Variants in PELI2 observed in about 807,000 individuals in gnomAD.
PELI2 encodes the protein pellino E3 ubiquitin protein ligase family member 2, also known as E3 ubiquitin-protein ligase pellino homolog 2.
A neutral mutation model predicts 42.3 loss-of-function variants in PELI2; 23 were observed. The observed-to-expected ratio is 0.54, with a 90% CI of 0.39 to 0.77. PELI2 has a LOEUF of 0.77. Among genes scored for constraint, PELI2 ranks in the 30% least tolerant of loss-of-function variants. The pLI is 0.00. For synonymous variants in PELI2, 245 were observed against 212.2 expected (o/e 1.15, Z -1.34); for missense variants, 463 against 553.2 (o/e 0.84, Z 1.64).
rs1885005253 is a variant in PELI2, at chr14:56,167,482, A to G, written c.78-10853A>G. ...CTCTGATGCATTCTTCAGTACACCA[A>G]TTGCACTTTTTCAGCTCCAGAATTT... On this transcript the variant is annotated intron_variant, in intron 1 of 5. Transcript: ENST00000267460. Among the ~76,000 whole-genome samples the G allele has an allele frequency of 2.0e-5, 3 of 152,168 alleles. No homozygotes were observed. In the South Asian group the frequency reaches 6.2e-4, roughly 32 times the overall value.
chr14:56,180,374 C>G lies in PELI2; in HGVS notation c.207+1910C>G, dbSNP rs1885535923. On this transcript the variant is annotated intron_variant, in intron 2 of 5. Transcript: ENST00000267460. This position sits in a 1 kb window ranked among gnomAD's most constrained non-coding sequence, Gnocchi z 4.4. Reference sequence around the variant, plus strand: ...TAAGATAAATTATTATAGGCTAGCCCTCAGAATCAGAGAAAAGTTGAGTAA... The same window carrying G: ...TAAGATAAATTATTATAGGCTAGCCGTCAGAATCAGAGAAAAGTTGAGTAA... Among the ~76,000 whole-genome samples the G allele has an allele frequency of 6.6e-6, 1 of 152,052 alleles. No homozygotes were observed. The highest frequency in any genetic ancestry group is 1.5e-5 in the Non-Finnish European group (1 of 68,002).
At chr14:56,136,348 C>A (rs1883689164) in intron 1 of PELI2, among the ~76,000 whole-genome samples, 1 of 152,144 alleles carries the variant, frequency 6.6e-6, no homozygotes, top group Admixed American at 6.5e-5. Context: ...TTACTTGGTG[C>A]ATCTGCGGTG....
At chr14:56,181,868 GTGTGTT>G (rs1304963867) in intron 2 of PELI2, among the ~76,000 whole-genome samples, 34 of 138,658 alleles carry the variant, frequency 2.5e-4, no homozygotes, top group African/African-American at 7.3e-4. Context: ...GTGTGTGTGT[GTGTGTT>G]TTTAAATTAA....
rs1289079335 is a variant in PELI2 at position 56,300,943 on chromosome 14, C to G, written c.*3777C>G. 6.6e-6 allele frequency: 1 copy of G among 152,150 alleles called. No homozygotes were observed. The allele number at this position is 152,150 out of a possible 1,614,324, so 9.4% of individuals were successfully genotyped here. A position where few individuals can be genotyped will look rare whatever the true frequency, so the allele number is the denominator to read the frequency against. On this transcript the variant is annotated 3_prime_UTR_variant, in exon 6 of 6. Coordinates refer to ENST00000267460, the MANE Select transcript of PELI2 (RefSeq NM_021255.3). The stretch of plus-strand genomic sequence containing the variant: ...CTTTTTAGTATAACTTACATCCTTT[C>G]AAATAAGTCTTTGCCCTCATGAAGA...
intron 1 of PELI2, among the ~76,000 whole-genome samples, chr14:56,127,702 T>C (rs3912201): frequency 0.6 from 91,595 of 152,006 alleles, 27,722 homozygotes; most frequent in South Asian, 0.67. Flanking sequence ...TTGAACACTT[T>C]GCCATAGAAA....
chr14:56,239,216 A>G (rs1887893774), intron 2 of PELI2, among the ~76,000 whole-genome samples: 1 of 152,232 alleles, frequency 6.6e-6, no homozygotes, highest in Non-Finnish European at 1.5e-5. Flanking sequence ...TGCATTTTCA[A>G]AAGTGCAAAA....
chr14:56,230,550 T>C (rs1303760188), intron 2 of PELI2, among the ~76,000 whole-genome samples: 1 of 152,190 alleles, frequency 6.6e-6, no homozygotes, highest in Admixed American at 6.5e-5. Context: ...AAGCAAATGC[T>C]GAGAGATTTT....
chr14:56,178,560 A>C, intron 2 of PELI2, 96 bp downstream of exon 2: 1 of 1,365,874 alleles, frequency 7.3e-7, no homozygotes, highest in Non-Finnish European at 1.0e-6. Flanking sequence ...CTTTTCATGT[A>C]GGACAGTCTC....
intron 1 of PELI2, among the ~76,000 whole-genome samples, chr14:56,172,777 T>G (rs1309791075): frequency 6.6e-6 from 1 of 152,174 alleles, no homozygotes; most frequent in East Asian, 1.9e-4. Context: ...TGTTTTTGCT[T>G]TGTTTTGAAG....
At chr14:56,152,389 T>C (rs769614144) in intron 1 of PELI2, among the ~76,000 whole-genome samples, 2 of 152,164 alleles carry the variant, frequency 1.3e-5, no homozygotes, top group Non-Finnish European at 2.9e-5. Flanking sequence ...GGAAGCATTA[T>C]ATAGATGTTA....
chr14:56,140,836 G>A (rs1469783590), intron 1 of PELI2, among the ~76,000 whole-genome samples: 1 of 152,148 alleles, frequency 6.6e-6, no homozygotes, highest in African/African-American at 2.4e-5. Flanking sequence ...TGGTATTATG[G>A]GAGCTTTGCT....
rs371719518 is a variant in PELI2, at chr14:56,254,640, T to C, written c.208-25036T>C. Among the ~76,000 whole-genome samples, 728 of 152,084 alleles carry C rather than the reference T, an allele frequency of 4.8e-3. 1 individual carries two copies. Among genetic ancestry groups the C allele is most frequent in the Non-Finnish European group, 8.0e-3 (543 of 67,994 alleles). ...GGCAACAAAAGCCAAAATTGACAAA[T>C]GGGATCTAAGTAAACTAAAGAGCTT... On this transcript the variant is annotated intron_variant, in intron 2 of 5. Transcript: ENST00000267460.
intron 2 of PELI2, among the ~76,000 whole-genome samples, chr14:56,245,210 G>C (rs758744927): frequency 5.4e-4 from 82 of 152,210 alleles, no homozygotes; most frequent in Admixed American, 9.8e-4. Flanking sequence ...GTACTCCTTA[G>C]TAGAACAAAA....
At chr14:56,147,738 T>G (rs1459354299) in intron 1 of PELI2, among the ~76,000 whole-genome samples, 1 of 152,200 alleles carries the variant, frequency 6.6e-6, no homozygotes, top group Non-Finnish European at 1.5e-5. Flanking sequence ...GCCCTAGCCT[T>G]TTAGAAAGTT....
At chr14:56,283,598 C>A (rs924113846) in intron 3 of PELI2, among the ~76,000 whole-genome samples, 1 of 152,128 alleles carries the variant, frequency 6.6e-6, no homozygotes, top group African/African-American at 2.4e-5. Flanking sequence ...CTGATTTGTA[C>A]CAACCTCTTA....
chr14:56,238,970 A>T (rs72717999), intron 2 of PELI2, among the ~76,000 whole-genome samples: 1,958 of 152,324 alleles, frequency 0.013, 18 homozygotes, highest in Non-Finnish European at 0.019. Flanking sequence ...CAACTCAAGC[A>T]GTAAATTAAA....
intron 2 of PELI2, among the ~76,000 whole-genome samples, chr14:56,243,853 A>G (rs908964038): frequency 6.6e-6 from 1 of 152,238 alleles, no homozygotes; most frequent in Admixed American, 6.5e-5. Flanking sequence ...TCAGGTTGAT[A>G]ATTTTAGTCA....
At chr14:56,221,059 C>T (rs937326893) in intron 2 of PELI2, among the ~76,000 whole-genome samples, 4 of 152,142 alleles carry the variant, frequency 2.6e-5, no homozygotes, top group East Asian at 1.9e-4. Context: ...GAGACAAAGC[C>T]GTGCCTCCAC....
chr14:56,190,993 A>T (rs1389852558), intron 2 of PELI2, among the ~76,000 whole-genome samples: 1 of 152,222 alleles, frequency 6.6e-6, no homozygotes, highest in Non-Finnish European at 1.5e-5. Context: ...GAATATTTGG[A>T]GGATGAACTC....
Sources: allele counts gnomAD v4.1 joint callset (sites outside exome capture counted in the v4.1 genomes callset), GRCh38; gene constraint gnomAD v4.1.1; non-coding constraint Gnocchi (gnomAD v3.1); transcripts MANE v1.5; gene names NCBI Gene and HGNC (gene_info 2026-07-23, HGNC 2026-07-21).